GRIA2: variants seen among roughly 807,000 people sequenced by gnomAD.
The protein encoded by GRIA2 is glutamate ionotropic receptor AMPA type subunit 2.
GRIA2 carries 14 observed loss-of-function variants against 97.3 expected under a neutral mutation model. The observed-to-expected ratio is 0.14, with a 90% CI of 0.10 to 0.23. GRIA2 has a LOEUF of 0.23. GRIA2 is among the 10% of genes least tolerant of loss of function. GRIA2 has a pLI of 1.00. For synonymous variants in GRIA2, 412 were observed against 387.8 expected (o/e 1.06, Z -0.73); for missense variants, 558 against 1,069.8 (o/e 0.52, Z 6.67).
intron 12 of GRIA2, among the ~76,000 whole-genome samples, chr4:157,352,567 A>T (rs948673658): frequency 6.6e-6 from 1 of 151,848 alleles, no homozygotes; most frequent in African/African-American, 2.4e-5. Flanking sequence ...AATACAAAAA[A>T]TAAATAGCCG....
At chr4:157,313,466 T>G (rs1734175494) in intron 4 of GRIA2, among the ~76,000 whole-genome samples, 1 of 152,178 alleles carries the variant, frequency 6.6e-6, no homozygotes, top group Admixed American at 6.6e-5. Context: ...CCCCTTGGAC[T>G]GTTTGAAAGA....
chr4:157,277,543 A>G (rs757938563), intron 2 of GRIA2, among the ~76,000 whole-genome samples: 1 of 151,732 alleles, frequency 6.6e-6, no homozygotes, highest in Non-Finnish European at 1.5e-5. Flanking sequence ...TAATAATACA[A>G]GAAATGGAAA....
chr4:157,241,582 C>CT (rs1024217951), intron 2 of GRIA2, among the ~76,000 whole-genome samples: 2 of 151,960 alleles, frequency 1.3e-5, no homozygotes, highest in African/African-American at 4.8e-5. Context: ...ATCATACATC[C>CT]TTTTTTTCTG....
intron 2 of GRIA2, among the ~76,000 whole-genome samples, chr4:157,248,059 G>GTATA (rs900338638): frequency 6.6e-6 from 1 of 150,750 alleles, no homozygotes; most frequent in African/African-American, 2.4e-5. Flanking sequence ...TCTTTGACGT[G>GTATA]TATATATATA....
At position 157,341,306 on chromosome 4, in the gene GRIA2, T is replaced by C. The variant is rs146534146; in HGVS notation, c.1887T>C (p.Phe629=). 6.2e-6 allele frequency: 10 copies of C among 1,613,174 alleles called. No individual in the cohort carries two copies. In the South Asian group the frequency reaches 8.8e-5, roughly 14 times the overall value. The stretch of plus-strand genomic sequence containing the variant: ...TTGTTGGAGGTGTGTGGTGGTTCTT[T>C]ACCCTGATCATAATCTCCTCCTACA... ...GRIVGGVWWF[F]TLIIISSYTA... Residue 629 remains phenylalanine (F), a synonymous_variant, in exon 12 of 16, where the codon TTT becomes TTC. Transcript: ENST00000264426.
At chr4:157,284,563 C>G (rs1732752313) in intron 2 of GRIA2, among the ~76,000 whole-genome samples, 1 of 151,752 alleles carries the variant, frequency 6.6e-6, no homozygotes, top group South Asian at 2.1e-4. Flanking sequence ...ATTGAGATGT[C>G]TTGAGTTCCT....
chr4:157,358,526 A>C (rs1027283871), intron 12 of GRIA2, among the ~76,000 whole-genome samples: 9 of 152,154 alleles, frequency 5.9e-5, no homozygotes, highest in African/African-American at 2.2e-4. Context: ...AAGTATTAAG[A>C]AGTAAGGAAT....
At chr4:157,231,870 A>G (rs1730035082) in intron 2 of GRIA2, among the ~76,000 whole-genome samples, 1 of 152,148 alleles carries the variant, frequency 6.6e-6, no homozygotes, top group African/African-American at 2.4e-5. Flanking sequence ...AAATAAAAAC[A>G]TTTTGGATTT....
chr4:157,327,067 A>C (rs1285816481), intron 6 of GRIA2, among the ~76,000 whole-genome samples: 3 of 152,208 alleles, frequency 2.0e-5, no homozygotes, highest in Non-Finnish European at 4.4e-5. Flanking sequence ...TTCTTCATAA[A>C]TGAAATAATA....
At chr4:157,236,888 G>A (rs1465617717) in intron 2 of GRIA2, among the ~76,000 whole-genome samples, 1 of 152,096 alleles carries the variant, frequency 6.6e-6, no homozygotes, top group African/African-American at 2.4e-5. Flanking sequence ...CATTAAAGTA[G>A]CACACTTGTG....
At chr4:157,307,556 G>C (rs112400376) in intron 3 of GRIA2, among the ~76,000 whole-genome samples, 32 of 152,238 alleles carry the variant, frequency 2.1e-4, no homozygotes, top group Non-Finnish European at 4.0e-4. Flanking sequence ...TCCATAAAGA[G>C]AAATTCAACA....
chr4:157,233,455 A>T (rs939720903), intron 2 of GRIA2, among the ~76,000 whole-genome samples: 27 of 152,154 alleles, frequency 1.8e-4, no homozygotes, highest in Non-Finnish European at 2.6e-4. Flanking sequence ...AATTAATTAA[A>T]TTAAATTTAT....
chr4:157,335,569 C>T, intron 9 of GRIA2, 102 bp from the exon 10 acceptor site: 2 of 713,734 alleles, frequency 2.8e-6, no homozygotes, highest in East Asian at 2.7e-5. Flanking sequence ...TCTTCATTCA[C>T]TCTGGCTAAT....
At chr4:157,305,366 G>C (rs866139270) in intron 3 of GRIA2, among the ~76,000 whole-genome samples, 1 of 151,922 alleles carries the variant, frequency 6.6e-6, no homozygotes, top group African/African-American at 2.4e-5. Context: ...CATCTCTCCA[G>C]TTCCACCCTT....
chr4:157,319,226 CCT>C (rs1233651752), intron 5 of GRIA2, among the ~76,000 whole-genome samples: 1 of 152,080 alleles, frequency 6.6e-6, no homozygotes, highest in Non-Finnish European at 1.5e-5. Flanking sequence ...CAGTCAGTCC[CCT>C]GTGTGAATCG....
rs1736612191 is a variant in GRIA2 at position 157,361,106 on chromosome 4, C to A, written c.2388C>A (p.Ser796Arg). Reference protein sequence around the residue: ...KWWYDKGECGSGGGDSKEKTS... With the variant: ...KWWYDKGECGRGGGDSKEKTS... ...GGTACGACAAAGGAGAGTGCGGCAG[C>A]GGGGGAGGTGATTCCAAGGTCAGCC... Residue 796 changes from serine to arginine, a missense_variant, in exon 14 of 16, where the codon AGC becomes AGA. Physicochemically the swap from Ser to Arg is moderately radical, Grantham distance 110. Transcript: ENST00000264426. This position sits in a 1 kb window ranked among gnomAD's most constrained non-coding sequence, Gnocchi z 5.2. 6.2e-7 allele frequency: 1 copy of A among 1,611,766 alleles called. No homozygotes were observed. The highest frequency in any genetic ancestry group is 2.2e-5 in the East Asian group (1 of 44,846).
In GRIA2 at chr4:157,338,579, G is replaced by GT. The variant is rs999935840; in HGVS notation, c.1844+1838dup. 7.5e-4 allele frequency among the ~76,000 whole-genome samples: 114 copies of GT among 152,074 alleles called. 1 individual carries two copies. Among genetic ancestry groups the GT allele is most frequent in the African/African-American group, 2.6e-3 (106 of 41,514 alleles). On this transcript the variant is annotated intron_variant, in intron 11 of 15. Transcript: ENST00000264426. ...ATCAAGGCTGCATCTAAATTAAGAT[G>GT]TTTTTTCTGTGCTTTTGATTTCATT...
intron 2 of GRIA2, among the ~76,000 whole-genome samples, chr4:157,275,511 G>T (rs1207758373): frequency 2.0e-5 from 3 of 152,004 alleles, no homozygotes; most frequent in African/African-American, 4.8e-5. Flanking sequence ...GGTCTAACAT[G>T]TAAGTCTTTA....
At chr4:157,363,164 G>A (rs765065423) in intron 15 of GRIA2, 117 bp downstream of exon 15, 14 of 1,084,944 alleles carry the variant, frequency 1.3e-5, no homozygotes, top group East Asian at 4.8e-5. Context: ...TATTGTTGAC[G>A]TTCTTCCATG....
Sources: allele counts gnomAD v4.1 joint callset (sites outside exome capture counted in the v4.1 genomes callset), GRCh38; gene constraint gnomAD v4.1.1; non-coding constraint Gnocchi (gnomAD v3.1); transcripts MANE v1.5; gene names NCBI Gene and HGNC (gene_info 2026-07-23, HGNC 2026-07-21).